TRAP1: variants seen among roughly 807,000 people sequenced by gnomAD.
TRAP1 encodes the protein TNF receptor associated protein 1.
Under a neutral mutation model 89.1 loss-of-function variants are expected in TRAP1, and 102 were observed. The observed-to-expected ratio is 1.15, with a 90% confidence interval of 0.98 to 1.35. TRAP1 has a LOEUF of 1.35. Ranked by LOEUF, TRAP1 falls within the 40% of genes most tolerant of loss-of-function variation. TRAP1 has a pLI of 0.00. For synonymous variants in TRAP1, 508 were observed against 388.0 expected (o/e 1.31, Z -3.64); for missense variants, 1,256 against 945.3 (o/e 1.33, Z -4.31).
intron 1 of TRAP1, among the ~76,000 whole-genome samples, chr16:3,717,163 C>G (rs907774495): frequency 2.6e-5 from 4 of 152,244 alleles, no homozygotes; most frequent in Admixed American, 6.5e-5. Context: ...TCCGCCCGAC[C>G]CCGCGACCCC....
At chr16:3,682,260 A>C (rs1045688730) in intron 4 of TRAP1, among the ~76,000 whole-genome samples, 3 of 152,098 alleles carry the variant, frequency 2.0e-5, no homozygotes, top group African/African-American at 7.2e-5. Context: ...CCTCTAGAAG[A>C]AAACATAGGG....
intron 1 of TRAP1, among the ~76,000 whole-genome samples, chr16:3,704,803 C>G (rs531816582): frequency 6.6e-6 from 1 of 152,046 alleles, no homozygotes; most frequent in Non-Finnish European, 1.5e-5. Flanking sequence ...CACTTGAGGC[C>G]AGGAGTTCTA....
At chr16:3,673,815 A>G (rs1424614914) in intron 9 of TRAP1, among the ~76,000 whole-genome samples, 1 of 152,100 alleles carries the variant, frequency 6.6e-6, no homozygotes, top group African/African-American at 2.4e-5. Context: ...CAATGTGGTA[A>G]AGGAAACCAG....
chr16:3,661,924 G>C (rs1036397056), intron 16 of TRAP1, 63 bp downstream of exon 16: 88 of 1,512,114 alleles, frequency 5.8e-5, no homozygotes, highest in Non-Finnish European at 7.4e-5. Context: ...CACAACAAAA[G>C]AACACCACAC....
intron 1 of TRAP1, among the ~76,000 whole-genome samples, chr16:3,707,080 G>C (rs993081937): frequency 2.0e-5 from 3 of 151,606 alleles, no homozygotes; most frequent in African/African-American, 7.3e-5. Context: ...TTTAATTATA[G>C]CCACCCTAGT....
chr16:3,703,043 GAA>G (rs36093237), intron 1 of TRAP1, among the ~76,000 whole-genome samples: 3,006 of 42,852 alleles, frequency 0.07, 52 homozygotes, highest in African/African-American at 0.27. Context: ...ACTCCGTCTT[GAA>G]AAAAAAAAAA....
At chr16:3,699,714 C>T (rs1055384461) in intron 1 of TRAP1, among the ~76,000 whole-genome samples, 2 of 151,658 alleles carry the variant, frequency 1.3e-5, no homozygotes, top group Non-Finnish European at 2.9e-5. Context: ...GTCACCCAGG[C>T]TGGAGTGCAG....
Position 3,673,135 on chromosome 16 carries a change from A to G in TRAP1, c.1045-315T>C, listed in dbSNP as rs375642915. ...ACCTTGCTACAGGTCAGGGATCAGC[A>G]AAGAGCCCTCCGACCAGATCCAGCT... On this transcript the variant is annotated intron_variant, in intron 9 of 17. Coordinates refer to ENST00000246957, the MANE Select transcript of TRAP1 (RefSeq NM_016292.3). Among the ~76,000 whole-genome samples, 28 of 152,290 alleles carry G rather than the reference A, an allele frequency of 1.8e-4. No individual in the cohort carries two copies. The South Asian group carries it at 5.0e-3, about 27-fold the overall frequency.
chr16:3,674,781 C>G (rs962856038), intron 8 of TRAP1: 1 of 479,814 alleles, frequency 2.1e-6, no homozygotes, highest in African/African-American at 1.9e-5. Context: ...CCAGCAGGGG[C>G]GAGCTGACGA....
At chr16:3,671,540 C>G (rs2050912504) in intron 11 of TRAP1, among the ~76,000 whole-genome samples, 182 bp downstream of exon 11, 1 of 152,188 alleles carries the variant, frequency 6.6e-6, no homozygotes, top group Non-Finnish European at 1.5e-5. Context: ...TCTTCTGGAC[C>G]ACAAGCTTCA....
At position 3,690,867 on chromosome 16, in the gene TRAP1, T is replaced by G; in HGVS notation, c.207A>C (p.Glu69Asp). The change falls in exon 2 of 18, where the codon GAA becomes GAC. Residue 69 changes from glutamate (E) to aspartate (D), a missense_variant. Physicochemically the swap from Glu to Asp is conservative, Grantham distance 45. Coordinates refer to ENST00000246957, the MANE Select transcript of TRAP1 (RefSeq NM_016292.3). ...TGCTGCTGATAATCGAGTGCAGGGGTTCCTCCTTGTCCTCGGCGGTCTGCG... is the reference window on the plus strand; with the variant it reads ...TGCTGCTGATAATCGAGTGCAGGGGGTCCTCCTTGTCCTCGGCGGTCTGCG... The part of the protein sequence containing the change: ...FSTQTAEDKE[E>D]PLHSIISSTE... The G allele has an allele frequency of 6.3e-7, 1 of 1,575,454 alleles. No individual in the cohort carries two copies. The highest frequency in any genetic ancestry group is 8.6e-7 in the Non-Finnish European group (1 of 1,160,702).
intron 1 of TRAP1, among the ~76,000 whole-genome samples, chr16:3,701,142 G>A (rs1400430786): frequency 6.6e-6 from 1 of 152,094 alleles, no homozygotes; most frequent in Non-Finnish European, 1.5e-5. Flanking sequence ...TAAGAAAGCT[G>A]GAGTGGCTCT....
At chr16:3,717,368 G>T in intron 1 of TRAP1, 53 bp downstream of exon 1, 1 of 727,634 alleles carries the variant, frequency 1.4e-6, no homozygotes, top group Non-Finnish European at 1.9e-6. Flanking sequence ...GGACGTCCCT[G>T]CCGTCTCCGT....
intron 11 of TRAP1, among the ~76,000 whole-genome samples, chr16:3,668,793 CTA>C (rs2050871827): frequency 6.6e-6 from 1 of 152,230 alleles, no homozygotes; most frequent in Admixed American, 6.5e-5. Context: ...GTTTCCACAA[CTA>C]TGAGTGAGGA....
At chr16:3,691,893 G>C (rs2051219089) in intron 1 of TRAP1, among the ~76,000 whole-genome samples, 1 of 152,182 alleles carries the variant, frequency 6.6e-6, no homozygotes, top group Non-Finnish European at 1.5e-5. Flanking sequence ...AGTGGGCTGA[G>C]AAAGTTGCCG....
intron 16 of TRAP1, 130 bp from the exon 17 acceptor site, chr16:3,658,995 G>A (rs1424655661): frequency 1.2e-6 from 1 of 858,878 alleles, no homozygotes; most frequent in East Asian, 2.7e-5. Context: ...AATAAGGTAT[G>A]TTAATGATCA....
intron 17 of TRAP1, 64 bp from the exon 18 acceptor site, chr16:3,658,294 T>G: frequency 8.7e-7 from 1 of 1,149,180 alleles, no homozygotes; most frequent in Non-Finnish European, 1.3e-6. Flanking sequence ...TTTTTTTTTT[T>G]GAGACAGAGT....
chr16:3,677,440 C>T (rs957984427), intron 6 of TRAP1, 58 bp downstream of exon 6: 1 of 1,608,342 alleles, frequency 6.2e-7, no homozygotes, highest in African/African-American at 1.3e-5. Context: ...TTCCAAACTC[C>T]ATGCTAAGGG....
At chr16:3,658,499 T>C in intron 17 of TRAP1, 1 of 570,472 alleles carries the variant, frequency 1.8e-6, no homozygotes, top group South Asian at 2.1e-5. Context: ...CTGGCCAAGA[T>C]GGTGAAAACC....
Sources: allele counts gnomAD v4.1 joint callset (sites outside exome capture counted in the v4.1 genomes callset), GRCh38; gene constraint gnomAD v4.1.1; transcripts MANE v1.5; gene names NCBI Gene and HGNC (gene_info 2026-07-23, HGNC 2026-07-21).